Variants in DPP6 observed in about 807,000 individuals in gnomAD.
DPP6 encodes dipeptidyl peptidase like 6, also known as A-type potassium channel modulatory protein DPP6.
In DPP6, 69 loss-of-function variants were observed where a neutral mutation model predicts 122.6. That is an observed-to-expected ratio of 0.56 (90% confidence interval 0.46 to 0.69). The LOEUF is 0.69. Among genes scored for constraint, DPP6 ranks in the 30% least tolerant of loss-of-function variants. DPP6 has a pLI of 0.00. For missense variants in DPP6, 928 were observed against 1,116.9 expected, an observed-to-expected ratio of 0.83 and a Z score of 2.41; for synonymous variants, 418 against 433.1, an observed-to-expected ratio of 0.97 and a Z score of 0.43.
rs115588589 is a variant in DPP6 at position 154,821,778 on chromosome 7, G to A, written c.1666+14666G>A. On this transcript the variant is annotated intron_variant, in intron 16 of 25. Transcript: ENST00000377770. This position sits in a 1 kb window ranked among gnomAD's most constrained non-coding sequence, Gnocchi z 4.2. The stretch of plus-strand genomic sequence containing the variant: ...TTCCTCAAGTCAAAGTATAGCATTT[G>A]CTTTTCAGTTCAATCAAAGGAAACA... 5.4e-3 allele frequency among the ~76,000 whole-genome samples: 812 copies of A among 151,680 alleles called. 9 individuals carry two copies. The highest frequency in any genetic ancestry group is 0.019 in the African/African-American group (769 of 41,320).
chr7:154,805,941 C>T (rs754427701), intron 15 of DPP6, among the ~76,000 whole-genome samples: 4 of 152,176 alleles, frequency 2.6e-5, no homozygotes, highest in East Asian at 1.9e-4. Context: ...AGGCCAGTGG[C>T]GCATTGTCTA....
At chr7:154,066,504 C>A (rs1324393966) in intron 1 of DPP6, among the ~76,000 whole-genome samples, 25 of 152,196 alleles carry the variant, frequency 1.6e-4, no homozygotes, top group Non-Finnish European at 3.5e-4. Context: ...AGGGGCCCTG[C>A]AGGCATTCAC....
chr7:154,843,208 G>T (rs752792129), intron 16 of DPP6, among the ~76,000 whole-genome samples: 1 of 152,206 alleles, frequency 6.6e-6, no homozygotes, highest in African/African-American at 2.4e-5. Context: ...AGGTTGAGGT[G>T]GGAGGATCAC....
At chr7:154,632,607 T>C (rs1297998901) in intron 5 of DPP6, among the ~76,000 whole-genome samples, 2 of 152,178 alleles carry the variant, frequency 1.3e-5, no homozygotes, top group Non-Finnish European at 2.9e-5. Flanking sequence ...CTGTGAGACA[T>C]AGGATGCAGT....
chr7:154,677,118 CTAT>C (rs1051963940), intron 7 of DPP6, among the ~76,000 whole-genome samples: 2 of 152,164 alleles, frequency 1.3e-5, no homozygotes, highest in African/African-American at 4.8e-5. Context: ...ATTTTTCTTA[CTAT>C]TATTATAATT....
At chr7:154,078,493 T>C (rs1247698691) in intron 1 of DPP6, among the ~76,000 whole-genome samples, 1 of 151,932 alleles carries the variant, frequency 6.6e-6, no homozygotes, top group African/African-American at 2.4e-5. Flanking sequence ...ACGAGCAATA[T>C]GGGGAGAGAG....
At chr7:154,673,997 T>A (rs892867505) in intron 7 of DPP6, among the ~76,000 whole-genome samples, 1 of 152,046 alleles carries the variant, frequency 6.6e-6, no homozygotes, top group South Asian at 2.1e-4. Context: ...TGCCTCAGCC[T>A]CCCAAGTAGC....
At chr7:153,906,892 T>G (rs1563222001) in intron 1 of DPP6, among the ~76,000 whole-genome samples, 3 of 152,246 alleles carry the variant, frequency 2.0e-5, no homozygotes. Context: ...ATTTTAAAAA[T>G]CCAGTCATCC....
At chr7:154,365,047 C>A (rs1405097364) in intron 1 of DPP6, among the ~76,000 whole-genome samples, 2 of 152,158 alleles carry the variant, frequency 1.3e-5, no homozygotes, top group Admixed American at 1.3e-4. Flanking sequence ...GGGCTTATAC[C>A]ACCAAATAAC....
intron 4 of DPP6, among the ~76,000 whole-genome samples, chr7:154,546,629 C>T (rs116555112): frequency 0.011 from 1,608 of 152,076 alleles, 35 homozygotes; most frequent in African/African-American, 0.036. Context: ...TGTATTTTCT[C>T]TAAGCTGTAT....
At chr7:154,342,688 A>C (rs1211735230) in intron 1 of DPP6, among the ~76,000 whole-genome samples, 1 of 152,170 alleles carries the variant, frequency 6.6e-6, no homozygotes, top group Non-Finnish European at 1.5e-5. Context: ...TGTACCTTTC[A>C]ATCTTCAAGC....
Position 154,452,353 on chromosome 7 carries a change from C to T in DPP6, c.358+6025C>T, listed in dbSNP as rs138560171. ...TGCTGACCTAGAGGGCTGAGATCCT[C>T]GCCAAGGCAGGAGTGGCTTCCACCG... is the stretch of plus-strand genomic sequence containing the variant. On this transcript the variant is annotated intron_variant, in intron 2 of 25. Coordinates refer to ENST00000377770, the MANE Select transcript of DPP6 (RefSeq NM_130797.4). 2.5e-3 allele frequency among the ~76,000 whole-genome samples: 386 copies of T among 152,262 alleles called. 3 individuals carry two copies. The highest frequency in any genetic ancestry group is 8.2e-3 in the African/African-American group (341 of 41,558).
At chr7:154,497,677 T>C (rs764785695) in intron 3 of DPP6, among the ~76,000 whole-genome samples, 2 of 151,918 alleles carry the variant, frequency 1.3e-5, no homozygotes, top group African/African-American at 2.4e-5. Flanking sequence ...CACAGCAGCA[T>C]ATTCACAATA....
At chr7:154,084,858 T>C (rs2150535371) in intron 1 of DPP6, among the ~76,000 whole-genome samples, 1 of 151,776 alleles carries the variant, frequency 6.6e-6, no homozygotes, top group East Asian at 2.0e-4. Context: ...GGCATGGTGG[T>C]GGGCGCCTGG....
At chr7:154,215,760 C>T (rs4397308) in intron 1 of DPP6, among the ~76,000 whole-genome samples, 131,646 of 151,920 alleles carry the variant, frequency 0.87, 57,271 homozygotes, top group African/African-American at 0.93. Context: ...AAATAGTTTA[C>T]TTGCACTTTG....
At chr7:154,325,065 C>T (rs1808327911) in intron 1 of DPP6, among the ~76,000 whole-genome samples, 1 of 151,938 alleles carries the variant, frequency 6.6e-6, no homozygotes, top group Non-Finnish European at 1.5e-5. Flanking sequence ...CAAGGTTTTA[C>T]CATATTAGCC....
rs58430009 is a variant in DPP6, at chr7:154,481,346, G to GTGTGTGT, written c.457+6309_457+6310insTGTGTGT. On this transcript the variant is annotated intron_variant, in intron 3 of 25. Coordinates refer to ENST00000377770, the MANE Select transcript of DPP6 (RefSeq NM_130797.4). The surrounding 1 kb of genome is among the most constrained non-coding windows in gnomAD (Gnocchi z 4.2). ...ATACACTTGGAGAGAGAGAGAGAGG[G>GTGTGTGT]GTGTGTGTGTGTGTGTGTGTGTGTG... 0.097 allele frequency among the ~76,000 whole-genome samples: 14,318 copies of GTGTGTGT among 147,922 alleles called. 1,205 individuals carry two copies. The highest frequency in any genetic ancestry group is 0.23 in the African/African-American group (8,966 of 39,660).
chr7:154,492,238 G>C (rs922461234), intron 3 of DPP6, among the ~76,000 whole-genome samples: 1 of 152,108 alleles, frequency 6.6e-6, no homozygotes, highest in South Asian at 2.1e-4. Context: ...GTAACACCTT[G>C]TATAGCACCC....
In DPP6 at chr7:154,022,588, C is replaced by G. The variant is rs566174441; in HGVS notation, c.51+134854C>G. 2.6e-5 allele frequency among the ~76,000 whole-genome samples: 4 copies of G among 152,252 alleles called. No individual in the cohort carries two copies. In the South Asian group the frequency reaches 6.2e-4, roughly 24 times the overall value. On this transcript the variant is annotated intron_variant, in intron 1 of 25. Transcript: ENST00000404039. ...CCCCTTCCTGCCATGGATGCTCCCC[C>G]CTGAAATTTTAAGGCAAATTTTATA...
Sources: allele counts gnomAD v4.1 joint callset (sites outside exome capture counted in the v4.1 genomes callset), GRCh38; gene constraint gnomAD v4.1.1; non-coding constraint Gnocchi (gnomAD v3.1); transcripts MANE v1.5; gene names NCBI Gene and HGNC (gene_info 2026-07-23, HGNC 2026-07-21).